Variants in TUBB4A observed in about 807,000 individuals in gnomAD.
The protein encoded by TUBB4A is tubulin beta-4A chain.
Under a neutral mutation model 35.1 loss-of-function variants are expected in TUBB4A, and 13 were observed. The observed-to-expected ratio is 0.37, with a 90% CI of 0.24 to 0.59. The LOEUF (loss-of-function observed/expected upper bound fraction) is 0.59, where lower values mean the gene tolerates loss of function less well. Among genes scored for constraint, TUBB4A ranks in the 20% least tolerant of loss-of-function variants. The pLI is 0.71. For missense variants in TUBB4A, 299 were observed against 647.2 expected (o/e 0.46, Z 5.84); for synonymous variants, 279 against 272.4 (o/e 1.02, Z -0.24).
chr19:6,495,064 C>T lies in TUBB4A; in HGVS notation c.*100G>A, dbSNP rs528792394. 880 of 1,432,408 alleles carry T rather than the reference C, an allele frequency of 6.1e-4. 2 individuals carry two copies. Among genetic ancestry groups the T allele is most frequent in the Middle Eastern group, 9.7e-4 (4 of 4,134 alleles). The allele number at this position is 1,432,408 out of a possible 1,614,324, so 88.7% of individuals were successfully genotyped here. The stretch of plus-strand genomic sequence containing the variant: ...ATTGTTAGGGTCAGCGGGGAGTCAG[C>T]CTTGGAGGGAAAGCGGGGCTCTAGG... On this transcript the variant is annotated 3_prime_UTR_variant, in exon 4 of 4. Coordinates refer to ENST00000264071, the MANE Select transcript of TUBB4A (RefSeq NM_006087.4). This position sits in a 1 kb window ranked among gnomAD's most constrained non-coding sequence, Gnocchi z 8.7.
At chr19:6,498,239 G>T (rs1912830359) in intron 3 of TUBB4A, among the ~76,000 whole-genome samples, 2 of 150,766 alleles carry the variant, frequency 1.3e-5, no homozygotes, top group Admixed American at 1.3e-4. Flanking sequence ...ATAAAAAAAA[G>T]AATATTGGCC....
rs375191619 is a variant in TUBB4A at position 6,501,424 on chromosome 19, T to A, written c.167-27A>T. On this transcript the variant is annotated intron_variant, in intron 2 of 3. Coordinates refer to ENST00000264071, the MANE Select transcript of TUBB4A (RefSeq NM_006087.4). The surrounding 1 kb of genome is among the most constrained non-coding windows in gnomAD (Gnocchi z 4.2). Reference sequence around the variant, plus strand: ...TGCAGGGAAACAGATGGAGGGCAGTTCGATGCGTGCCAGGAACCACAGGCG... The same window carrying A: ...TGCAGGGAAACAGATGGAGGGCAGTACGATGCGTGCCAGGAACCACAGGCG... 2.7e-5 allele frequency: 43 copies of A among 1,608,890 alleles called. No homozygotes were observed. In the African/African-American group the frequency reaches 5.6e-4, roughly 21 times the overall value.
intron 3 of TUBB4A, among the ~76,000 whole-genome samples, chr19:6,499,155 C>T (rs1271938780): frequency 1.3e-5 from 2 of 152,084 alleles, no homozygotes; most frequent in African/African-American, 2.4e-5. Flanking sequence ...GGCGAAACCC[C>T]GTCACTATTA....
chr19:6,502,026 TG>T, intron 1 of TUBB4A, 129 bp downstream of exon 1: 1 of 1,038,302 alleles, frequency 9.6e-7, no homozygotes, highest in Non-Finnish European at 1.3e-6. Context: ...CCAAGGCCCC[TG>T]GGGCGCGCTG....
At chr19:6,497,027 ATATATATAT>A (rs1568410541) in intron 3 of TUBB4A, among the ~76,000 whole-genome samples, 45 of 15,958 alleles carry the variant, frequency 2.8e-3, no homozygotes, top group East Asian at 7.2e-3. Context: ...AAAAAAAAAT[ATATATATAT>A]ATATATATAT....
intron 1 of TUBB4A, 47 bp downstream of exon 1, chr19:6,502,109 G>T (rs1355426397): frequency 2.0e-6 from 3 of 1,518,840 alleles, no homozygotes; most frequent in Non-Finnish European, 2.6e-6. Context: ...ACCCCGCGGT[G>T]CTCCCCGGGG....
intron 3 of TUBB4A, among the ~76,000 whole-genome samples, chr19:6,497,064 T>TATATATATATATATATAA (rs1219805200): frequency 1.3e-5 from 1 of 74,618 alleles, no homozygotes; most frequent in Non-Finnish European, 2.4e-5. Context: ...TATATATATA[T>TATATATATATATATATAA]AAATTAGCCA....
intron 3 of TUBB4A, among the ~76,000 whole-genome samples, chr19:6,496,653 T>TAATAATAATAAA (rs1429115982): frequency 7.5e-5 from 11 of 146,042 alleles, no homozygotes; most frequent in Non-Finnish European, 1.5e-5. Context: ...ATAATAATAA[T>TAATAATAATAAA]AATAAATAAT....
chr19:6,497,963 G>A (rs1297794525), intron 3 of TUBB4A, among the ~76,000 whole-genome samples: 1 of 147,704 alleles, frequency 6.8e-6, no homozygotes, highest in Admixed American at 6.9e-5. Flanking sequence ...TGTAAACCCA[G>A]CACTTTGGGA....
At chr19:6,502,323 C>A, upstream of TUBB4A, 1 of 1,260,114 alleles carries the variant, frequency 7.9e-7, no homozygotes, top group Non-Finnish European at 1.0e-6. Flanking sequence ...CCCTGCGCCC[C>A]CGGGAGCCGC....
Position 6,501,280 on chromosome 19 carries a change from G to A in TUBB4A, c.277+7C>T, listed in dbSNP as rs777792028. The A allele has an allele frequency of 6.2e-7, 1 of 1,612,194 alleles. No individual in the cohort carries two copies. The highest frequency in any genetic ancestry group is 1.7e-5 in the Admixed American group (1 of 59,900). The stretch of plus-strand genomic sequence containing the variant: ...TCCAGCCTCTGGCTCCCTGCTGGGG[G>A]ACTCACCAAACACGAAGTTGTCCGG... On this transcript the variant is annotated splice_region_variant and intron_variant, in intron 3 of 3. Transcript: ENST00000264071. The surrounding 1 kb of genome is among the most constrained non-coding windows in gnomAD (Gnocchi z 4.2).
Position 6,502,232 on chromosome 19 carries a change from G to C in TUBB4A, c.-20C>G. On this transcript the variant is annotated 5_prime_UTR_variant, in exon 1 of 4. Coordinates refer to ENST00000264071, the MANE Select transcript of TUBB4A (RefSeq NM_006087.4). ...CCGCATGGCGGTGGCGCTGAGGGTG[G>C]ACGCGGCGGCGGTGGCACGAGCGCG... The C allele has an allele frequency of 1.3e-6, 2 of 1,519,714 alleles. No individual in the cohort carries two copies. Among genetic ancestry groups the C allele is most frequent in the Non-Finnish European group, 1.8e-6 (2 of 1,142,376 alleles). The allele number at this position is 1,519,714 out of a possible 1,614,324, so 94.1% of individuals were successfully genotyped here.
chr19:6,497,958 AC>A (rs1914335787), intron 3 of TUBB4A, among the ~76,000 whole-genome samples: 1 of 149,572 alleles, frequency 6.7e-6, no homozygotes, highest in Admixed American at 6.8e-5. Flanking sequence ...ACGCTTGTAA[AC>A]CCAGCACTTT....
chr19:6,500,903 G>A (rs1010298424), intron 3 of TUBB4A: 3 of 195,924 alleles, frequency 1.5e-5, no homozygotes, highest in Non-Finnish European at 3.2e-5. Flanking sequence ...GGGCAGAGAG[G>A]GAGCTCCGGC....
At chr19:6,496,304 C>T in intron 3 of TUBB4A, 83 bp from the exon 4 acceptor site, 2 of 1,346,796 alleles carry the variant, frequency 1.5e-6, no homozygotes, top group Non-Finnish European at 1.0e-6. Flanking sequence ...CCTGGAGGGC[C>T]TCTAGTAGTT....
chr19:6,499,041 C>T (rs1444944275), intron 3 of TUBB4A, among the ~76,000 whole-genome samples: 1 of 152,064 alleles, frequency 6.6e-6, no homozygotes, highest in Non-Finnish European at 1.5e-5. Context: ...AGTGTGGGCT[C>T]AGACCAGGCG....
At position 6,502,309 on chromosome 19, in the gene TUBB4A, C is replaced by A; in HGVS notation, c.-97G>T. 3 of 1,343,118 alleles carry A rather than the reference C, an allele frequency of 2.2e-6. No individual in the cohort carries two copies. Among genetic ancestry groups the A allele is most frequent in the Non-Finnish European group, 2.9e-6 (3 of 1,029,560 alleles). The allele number at this position is 1,343,118 out of a possible 1,614,324, so 83.2% of individuals were successfully genotyped here. A position where few individuals can be genotyped will look rare whatever the true frequency, so the allele number is the denominator to read the frequency against. ...AAGATGCGGCGGAGACGGCGGAGCA[C>A]GGTCCCTGCGCCCCCGGGAGCCGCT... On this transcript the variant is annotated 5_prime_UTR_variant, in exon 1 of 4. Coordinates refer to ENST00000264071, the MANE Select transcript of TUBB4A (RefSeq NM_006087.4).
chr19:6,500,586 A>G (rs1424069060), intron 3 of TUBB4A: 2 of 152,096 alleles, frequency 1.3e-5, no homozygotes, highest in Non-Finnish European at 2.9e-5. Context: ...AAAGAAAACT[A>G]AAAAATTAGC....
intron 3 of TUBB4A, among the ~76,000 whole-genome samples, chr19:6,497,892 C>T (rs1183959963): frequency 3.0e-5 from 3 of 99,554 alleles, no homozygotes. Flanking sequence ...CAGCAAGACT[C>T]CGTCTCAAAA....
Sources: gnomAD v4.1 joint callset for allele counts (sites outside exome capture counted in the v4.1 genomes callset) on GRCh38, gnomAD v4.1.1 for gene constraint, Gnocchi (gnomAD v3.1) non-coding constraint, MANE v1.5 for transcripts, NCBI Gene and HGNC (gene_info 2026-07-23, HGNC 2026-07-21) for gene names.